The following TFAP2E variants were observed in gnomAD, a reference collection of about 807,000 sequenced individuals.
TFAP2E encodes the protein transcription factor AP-2-epsilon.
In TFAP2E, 30 loss-of-function variants were observed where a neutral mutation model predicts 37.9. That is an observed-to-expected ratio of 0.79 (90% CI 0.59 to 1.07). TFAP2E has a LOEUF of 1.07. Ranked by LOEUF, TFAP2E falls within the 50% of genes least tolerant of loss-of-function variation. TFAP2E has a pLI of 0.00. For missense variants in TFAP2E, 567 were observed against 637.9 expected (o/e 0.89, Z 1.20); for synonymous variants, 318 against 295.8 (o/e 1.08, Z -0.77).
At chr1:35,581,643 G>C (rs1649352343) in intron 3 of TFAP2E, among the ~76,000 whole-genome samples, 1 of 151,690 alleles carries the variant, frequency 6.6e-6, no homozygotes, top group African/African-American at 2.4e-5. Context: ...GGTGATCTCG[G>C]CTCACCGTAA....
chr1:35,585,486 A>G (rs1649458630), intron 3 of TFAP2E, among the ~76,000 whole-genome samples: 1 of 152,136 alleles, frequency 6.6e-6, no homozygotes, highest in Non-Finnish European at 1.5e-5. Context: ...CTGTCCACCA[A>G]GTGGCCACTA....
rs1649792020 is a variant in TFAP2E, at chr1:35,595,031, C to CT, written c.*358dup. 2 of 292,514 alleles carry CT rather than the reference C, an allele frequency of 6.8e-6. No homozygotes were observed. Among genetic ancestry groups the CT allele is most frequent in the South Asian group, 7.6e-5 (2 of 26,440 alleles). The allele number at this position is 292,514 out of a possible 1,614,324, so 18.1% of individuals were successfully genotyped here. A position where few individuals can be genotyped will look rare whatever the true frequency, so the allele number is the denominator to read the frequency against. On this transcript the variant is annotated 3_prime_UTR_variant, in exon 7 of 7. Transcript: ENST00000373235. ...CGTGGGTGCTTCTAGAGGCCAAAGC[C>CT]TTTGTGTTTTTCACTGGTGGCAGGA...
chr1:35,594,697 C>T lies in TFAP2E; in HGVS notation c.*21C>T. The T allele has an allele frequency of 6.2e-7, 1 of 1,612,998 alleles. No individual in the cohort carries two copies. Among genetic ancestry groups the T allele is most frequent in the Non-Finnish European group, 8.5e-7 (1 of 1,179,996 alleles). ...AATAACTGCTTCTCCCACCCCATCC[C>T]TAAGGGGCTCCCAGGCCCTGAAATA... On this transcript the variant is annotated 3_prime_UTR_variant, in exon 7 of 7. Transcript: ENST00000373235.
intron 3 of TFAP2E, among the ~76,000 whole-genome samples, chr1:35,584,111 AT>A (rs891325869): frequency 6.6e-6 from 1 of 151,534 alleles, no homozygotes; most frequent in South Asian, 2.1e-4. Context: ...ATCCTTTTTT[AT>A]TTTTTTTGAG....
At chr1:35,592,843 G>C (rs1007551873) in intron 6 of TFAP2E, among the ~76,000 whole-genome samples, 2 of 152,124 alleles carry the variant, frequency 1.3e-5, no homozygotes, top group Non-Finnish European at 2.9e-5. Flanking sequence ...GTTACTCTCT[G>C]GCTTCTTTTA....
chr1:35,592,147 TG>T (rs1557439640), intron 6 of TFAP2E, among the ~76,000 whole-genome samples: 2 of 151,990 alleles, frequency 1.3e-5, no homozygotes, highest in Non-Finnish European at 2.9e-5. Flanking sequence ...CAGTTAGGTG[TG>T]GTGGTGCACT....
At position 35,589,918 on chromosome 1, in the gene TFAP2E, G is replaced by A. The variant is rs1268813759; in HGVS notation, c.786-12G>A. Reference sequence around the variant, plus strand: ...CATAGTTGTATGTCTGTCTGTCTCTGTGCATGTCAAGGGCCAAGTCCAAAA... The same window carrying A: ...CATAGTTGTATGTCTGTCTGTCTCTATGCATGTCAAGGGCCAAGTCCAAAA... On this transcript the variant is annotated splice_polypyrimidine_tract_variant and intron_variant, in intron 4 of 6. Transcript: ENST00000373235. The A allele has an allele frequency of 1.9e-6, 3 of 1,613,410 alleles. No individual in the cohort carries two copies. The highest frequency in any genetic ancestry group is 2.2e-5 in the East Asian group (1 of 44,880).
Position 35,573,669 on chromosome 1 carries a change from C to A in TFAP2E, c.27+65C>A, listed in dbSNP as rs576761841. ...TCGGGGCGCCTGAGTGCTGGACTTT[C>A]CAACCCTCCTGTCCCGCGCTAACGA... On this transcript the variant is annotated intron_variant, in intron 1 of 6. Coordinates refer to ENST00000373235, the MANE Select transcript of TFAP2E (RefSeq NM_178548.4). The surrounding 1 kb of genome is among the most constrained non-coding windows in gnomAD (Gnocchi z 5.9). The A allele has an allele frequency of 2.0e-6, 3 of 1,529,200 alleles. No individual in the cohort carries two copies. The highest frequency in any genetic ancestry group is 5.2e-5 in the East Asian group (2 of 38,808). 94.7% of individuals were successfully genotyped at this position (1,529,200 alleles called of 1,614,324 possible).
Position 35,588,713 on chromosome 1 carries a change from C to A in TFAP2E, c.785+161C>A, listed in dbSNP as rs557939710. Among the ~76,000 whole-genome samples the A allele has an allele frequency of 6.6e-6, 1 of 152,110 alleles. No homozygotes were observed. Among genetic ancestry groups the A allele is most frequent in the Non-Finnish European group, 1.5e-5 (1 of 68,010 alleles). On this transcript the variant is annotated intron_variant, in intron 4 of 6. Transcript: ENST00000373235. The surrounding 1 kb of genome is among the most constrained non-coding windows in gnomAD (Gnocchi z 5.1). ...TCTGGATTGTGCATGTTGTGGGGGC[C>A]GGCCCAGGTCCCTGGTGGCTGCCAC...
chr1:35,591,655 G>A (rs2148554396), intron 6 of TFAP2E, among the ~76,000 whole-genome samples: 1 of 152,326 alleles, frequency 6.6e-6, no homozygotes, highest in East Asian at 1.9e-4. Context: ...CTCAGGGCCT[G>A]TTTAACAAAC....
intron 3 of TFAP2E, among the ~76,000 whole-genome samples, chr1:35,587,820 T>C (rs1032745360): frequency 2.6e-5 from 4 of 151,982 alleles, no homozygotes; most frequent in African/African-American, 7.3e-5. Context: ...GCTGAAGGCA[T>C]TAACAGGGCA....
rs1476184962 is a variant in TFAP2E at position 35,577,177 on chromosome 1, G to C, written c.562+2177G>C. On this transcript the variant is annotated intron_variant, in intron 3 of 6. Coordinates refer to ENST00000373235, the MANE Select transcript of TFAP2E (RefSeq NM_178548.4). The surrounding 1 kb of genome is among the most constrained non-coding windows in gnomAD (Gnocchi z 6.3). ...AGCAAAGGGGAAGGGGCAGGAGCCG[G>C]GCACAGTTGGATCCGGAGGTCGTGA... The C allele has an allele frequency of 2.8e-6, 1 of 353,472 alleles. No individual in the cohort carries two copies. Among genetic ancestry groups the C allele is most frequent in the Non-Finnish European group, 5.6e-6 (1 of 177,630 alleles). The allele number at this position is 353,472 out of a possible 1,614,324, so 21.9% of individuals were successfully genotyped here. A position where few individuals can be genotyped will look rare whatever the true frequency, so the allele number is the denominator to read the frequency against.
In TFAP2E at chr1:35,576,988, C is replaced by T. The variant is rs533710804; in HGVS notation, c.562+1988C>T. ...GCGGGACCCCAGCGCCAGCGGGACC[C>T]CAGCGCCAGCGGGACCCCAGCGCCA... On this transcript the variant is annotated intron_variant, in intron 3 of 6. Coordinates refer to ENST00000373235, the MANE Select transcript of TFAP2E (RefSeq NM_178548.4). Among the ~76,000 whole-genome samples, 32 of 137,392 alleles carry T rather than the reference C, an allele frequency of 2.3e-4. No individual in the cohort carries two copies. In the South Asian group the frequency reaches 4.4e-3, roughly 19 times the overall value. 90.1% of individuals were successfully genotyped at this position (137,392 alleles called of 152,430 possible).
intron 6 of TFAP2E, among the ~76,000 whole-genome samples, chr1:35,591,983 C>T (rs576245906): frequency 2.1e-4 from 32 of 152,336 alleles, no homozygotes; most frequent in African/African-American, 7.2e-4. Context: ...CCACCACTCC[C>T]GGCCCCAAGA....
Position 35,594,686 on chromosome 1 carries a change from C to T in TFAP2E, c.*10C>T. 4 of 1,613,382 alleles carry T rather than the reference C, an allele frequency of 2.5e-6. No individual in the cohort carries two copies. The South Asian group carries it at 4.4e-5, about 18-fold the overall frequency. Reference sequence around the variant, plus strand: ...CAAGCATCGGAAATAACTGCTTCTCCCACCCCATCCCTAAGGGGCTCCCAG... The same window carrying T: ...CAAGCATCGGAAATAACTGCTTCTCTCACCCCATCCCTAAGGGGCTCCCAG... On this transcript the variant is annotated 3_prime_UTR_variant, in exon 7 of 7. Coordinates refer to ENST00000373235, the MANE Select transcript of TFAP2E (RefSeq NM_178548.4).
rs768963535 is a variant in TFAP2E at position 35,590,649 on chromosome 1, T to A, written c.920T>A (p.Leu307Gln). The A allele has an allele frequency of 6.6e-7, 1 of 1,520,442 alleles. No homozygotes were observed. The highest frequency in any genetic ancestry group is 1.3e-5 in the South Asian group (1 of 77,958). 94.2% of individuals were successfully genotyped at this position (1,520,442 alleles called of 1,614,324 possible). ...CTCCCCCCAGGAGAGGCCGTGCACC[T>A]GGCCCGAGACTTCGGTTACGTCTGT... The part of the protein sequence containing the change: ...TSLVEGEAVH[L>Q]ARDFGYVCET... The change falls in exon 6 of 7, where the codon CTG becomes CAG. Residue 307 changes from leucine (L) to glutamine (Q), a missense_variant. Transcript: ENST00000373235. This position sits in a 1 kb window ranked among gnomAD's most constrained non-coding sequence, Gnocchi z 6.2.
Position 35,594,639 on chromosome 1 carries a change from C to A in TFAP2E, c.1292C>A (p.Thr431Asn). ...LSSVGSGHGETKASEKDAKHR... is the reference protein window; with the variant it reads ...LSSVGSGHGENKASEKDAKHR... ...AGTGTGGGCAGTGGGCATGGTGAAA[C>A]CAAGGCTTCGGAGAAGGATGCCAAG... The change falls in exon 7 of 7, where the codon ACC (threonine) becomes AAC (asparagine). Residue 431 changes from threonine (T) to asparagine (N), a missense_variant. By Grantham distance (65) the Thr-to-Asn change is moderately conservative (BLOSUM62 0). This residue lies in a region of TFAP2E where 252 missense variants were observed against 302.6 expected (regional missense o/e 0.83). Transcript: ENST00000373235. The A allele has an allele frequency of 6.2e-7, 1 of 1,614,172 alleles. No homozygotes were observed. Among genetic ancestry groups the A allele is most frequent in the East Asian group, 2.2e-5 (1 of 44,876 alleles).
intron 3 of TFAP2E, among the ~76,000 whole-genome samples, chr1:35,578,076 G>A (rs1224856876): frequency 1.3e-5 from 2 of 152,178 alleles, no homozygotes; most frequent in African/African-American, 2.4e-5. Context: ...GAGGTTGGGT[G>A]AGTGCCTAGA....
rs1336503087 is a variant in TFAP2E, at chr1:35,577,449, C to T, written c.562+2449C>T. 8.8e-6 allele frequency: 4 copies of T among 456,796 alleles called. No homozygotes were observed. Among genetic ancestry groups the T allele is most frequent in the Admixed American group, 2.3e-5 (1 of 42,596 alleles). 28.3% of individuals were successfully genotyped at this position (456,796 alleles called of 1,614,324 possible). ...ACTCCTGTCCTGCCCCACAGACCTT[C>T]GGCCTCCGCCGAGTGCGGTACTGGA... On this transcript the variant is annotated intron_variant, in intron 3 of 6. Transcript: ENST00000373235. The surrounding 1 kb of genome is among the most constrained non-coding windows in gnomAD (Gnocchi z 6.3).
Sources: allele counts gnomAD v4.1 joint callset (sites outside exome capture counted in the v4.1 genomes callset), GRCh38; gene constraint gnomAD v4.1.1; regional missense constraint gnomAD v4.1.1; non-coding constraint Gnocchi (gnomAD v3.1); transcripts MANE v1.5; gene names NCBI Gene and HGNC (gene_info 2026-07-23, HGNC 2026-07-21).